Variants in OPCML observed in about 807,000 individuals in gnomAD.
OPCML encodes the protein opioid binding protein/cell adhesion molecule like, also known as opioid-binding protein/cell adhesion molecule.
A neutral mutation model predicts 37.8 loss-of-function variants in OPCML; 13 were observed. The observed-to-expected ratio is 0.34, with a 90% CI of 0.22 to 0.55. The LOEUF (loss-of-function observed/expected upper bound fraction) is 0.55. OPCML is among the 20% of genes least tolerant of loss of function. The probability of loss-of-function intolerance (pLI) is 0.91; values close to 1 mark genes in which losing one functional copy is unlikely to be tolerated. For missense variants in OPCML, 341 were observed against 435.6 expected (o/e 0.78, Z 1.93); for synonymous variants, 176 against 168.8 (o/e 1.04, Z -0.33).
rs564817768 is a variant in OPCML, at chr11:132,998,769, C to T, written c.62-55759G>A. On this transcript the variant is annotated intron_variant, in intron 1 of 7. Coordinates refer to ENST00000524381, the MANE Select transcript of OPCML (RefSeq NM_001012393.5). Reference sequence around the variant, plus strand: ...TAAAAGGCCCAAATGAGACACCTCACCCTATCTGCCATGTGAGAATAGTGA... The same window carrying T: ...TAAAAGGCCCAAATGAGACACCTCATCCTATCTGCCATGTGAGAATAGTGA... 6.6e-5 allele frequency among the ~76,000 whole-genome samples: 10 copies of T among 152,260 alleles called. No homozygotes were observed. In the South Asian group the frequency reaches 2.1e-3, roughly 32 times the overall value.
intron 1 of OPCML, among the ~76,000 whole-genome samples, chr11:133,140,763 C>CGAAGAAGAA (rs5795825): frequency 6.1e-5 from 3 of 48,874 alleles, no homozygotes; most frequent in African/African-American, 1.4e-4. Context: ...AAGAAGACGA[C>CGAAGAAGAA]GAAGAAGAAG....
At chr11:133,025,456 A>T in intron 1 of OPCML, 1 of 985,428 alleles carries the variant, frequency 1.0e-6, no homozygotes, top group Non-Finnish European at 1.2e-6. Flanking sequence ...AGAAATCCAA[A>T]CTTTATAACC....
chr11:132,538,130 T>C (rs926439365), intron 3 of OPCML, among the ~76,000 whole-genome samples: 1 of 152,178 alleles, frequency 6.6e-6, no homozygotes, highest in Non-Finnish European at 1.5e-5. Context: ...GCAGCATTGG[T>C]CATAATAGAC....
chr11:132,797,247 G>A (rs117831361), intron 2 of OPCML, among the ~76,000 whole-genome samples: 2,424 of 152,260 alleles, frequency 0.016, 27 homozygotes, highest in Middle Eastern at 0.031. Context: ...GCTCATACAT[G>A]CAGGTCTGTG....
At chr11:132,937,916 G>A (rs1945445690) in intron 2 of OPCML, among the ~76,000 whole-genome samples, 1 of 151,810 alleles carries the variant, frequency 6.6e-6, no homozygotes, top group East Asian at 2.0e-4. Context: ...CTTGACCTCA[G>A]GGATAGTGAA....
At chr11:132,426,143 G>A (rs996990831) in intron 7 of OPCML, among the ~76,000 whole-genome samples, 1 of 152,180 alleles carries the variant, frequency 6.6e-6, no homozygotes, top group African/African-American at 2.4e-5. Context: ...TGACAACACA[G>A]TGACAACAAC....
intron 2 of OPCML, among the ~76,000 whole-genome samples, chr11:132,778,961 C>CTTTTTTTTTTT (rs10657036): frequency 2.3e-5 from 2 of 87,942 alleles, no homozygotes; most frequent in African/African-American, 4.4e-5. Context: ...TGGTATATTT[C>CTTTTTTTTTTT]TTTTTTTTTT....
intron 1 of OPCML, among the ~76,000 whole-genome samples, chr11:133,138,285 T>C (rs185336310): frequency 1.3e-5 from 2 of 152,208 alleles, no homozygotes; most frequent in East Asian, 1.9e-4. Context: ...TCTTGGACTT[T>C]CCAGCCGCCA....
At chr11:133,084,997 A>T (rs939096716) in intron 1 of OPCML, among the ~76,000 whole-genome samples, 1 of 152,240 alleles carries the variant, frequency 6.6e-6, no homozygotes, top group Non-Finnish European at 1.5e-5. Flanking sequence ...ATGTCACTCA[A>T]GGACTGAAAT....
intron 1 of OPCML, among the ~76,000 whole-genome samples, chr11:133,499,874 A>ATAT (rs1555167659): frequency 6.7e-5 from 8 of 120,282 alleles, no homozygotes; most frequent in East Asian, 4.5e-4. Flanking sequence ...ATATATATAT[A>ATAT]TTTTTTTTTT....
chr11:132,928,754 G>A (rs879656063), intron 2 of OPCML, among the ~76,000 whole-genome samples: 46 of 151,954 alleles, frequency 3.0e-4, no homozygotes, highest in Middle Eastern at 6.3e-3. Context: ...TAAAAAGACA[G>A]AAATCATACT....
chr11:132,755,782 A>G (rs1946021258), intron 2 of OPCML, among the ~76,000 whole-genome samples: 2 of 152,192 alleles, frequency 1.3e-5, no homozygotes, highest in African/African-American at 4.8e-5. Context: ...TAAAGCCACA[A>G]CCACCAACAA....
At chr11:132,727,294 A>C (rs769681881) in intron 2 of OPCML, among the ~76,000 whole-genome samples, 2 of 152,202 alleles carry the variant, frequency 1.3e-5, no homozygotes, top group South Asian at 4.1e-4. Context: ...ATTCAATACT[A>C]GGTGATCTGA....
intron 1 of OPCML, among the ~76,000 whole-genome samples, chr11:133,365,144 GC>G (rs1190296489): frequency 6.6e-6 from 1 of 151,918 alleles, no homozygotes; most frequent in Non-Finnish European, 1.5e-5. Context: ...CTCCAGATGT[GC>G]AGTCAGCAGA....
chr11:132,470,731 G>A (rs2096135565), intron 4 of OPCML, among the ~76,000 whole-genome samples: 1 of 152,136 alleles, frequency 6.6e-6, no homozygotes, highest in Admixed American at 6.5e-5. Flanking sequence ...ATGGCCCAAG[G>A]TCATCCAGTT....
At chr11:133,031,469 G>A (rs987915867) in intron 1 of OPCML, among the ~76,000 whole-genome samples, 1 of 149,244 alleles carries the variant, frequency 6.7e-6, no homozygotes, top group Non-Finnish European at 1.5e-5. Context: ...ATGGTTGGTT[G>A]GATGGGTAGG....
chr11:133,237,817 A>G (rs565851680), intron 1 of OPCML, among the ~76,000 whole-genome samples: 1 of 152,306 alleles, frequency 6.6e-6, no homozygotes, highest in Admixed American at 6.5e-5. Flanking sequence ...CCCACTGCCA[A>G]AGCCCAGCCA....
chr11:133,099,375 G>A (rs1168322726), intron 1 of OPCML, among the ~76,000 whole-genome samples: 1 of 150,602 alleles, frequency 6.6e-6, no homozygotes, highest in Non-Finnish European at 1.5e-5. Context: ...CCATTCTCCT[G>A]CCTCAGCCTC....
intron 2 of OPCML, among the ~76,000 whole-genome samples, chr11:132,658,099 C>A (rs1941791940): frequency 6.6e-6 from 1 of 152,160 alleles, no homozygotes; most frequent in African/African-American, 2.4e-5. Flanking sequence ...GACCTGCAGG[C>A]TGTCAGGTCT....
Sources: gnomAD v4.1 joint callset for allele counts (sites outside exome capture counted in the v4.1 genomes callset) on GRCh38, gnomAD v4.1.1 for gene constraint, MANE v1.5 for transcripts, NCBI Gene and HGNC (gene_info 2026-07-23, HGNC 2026-07-21) for gene names.